The following NRXN1 variants were observed in gnomAD, a reference collection of about 807,000 sequenced individuals.
NRXN1 encodes neurexin 1, also known as neurexin-1.
NRXN1 carries 39 observed loss-of-function variants against 150.9 expected under a neutral mutation model. That is an observed-to-expected ratio of 0.26 (90% confidence interval 0.20 to 0.34). NRXN1 has a LOEUF of 0.34. Ranked by LOEUF, NRXN1 falls within the 10% of genes least tolerant of loss-of-function variation. The pLI is 1.00. For missense variants in NRXN1, 1,815 were observed against 1,949.9 expected (o/e 0.93, Z 1.30); for synonymous variants, 924 against 757.0 (o/e 1.22, Z -3.62).
chr2:50,456,207 C>A (rs945648962), intron 17 of NRXN1, among the ~76,000 whole-genome samples: 6 of 152,046 alleles, frequency 3.9e-5, no homozygotes, highest in African/African-American at 1.4e-4. Context: ...GGTAGCTGAA[C>A]CTTTTATGAA....
Position 50,271,034 on chromosome 2 carries a change from C to T in NRXN1, c.3365-34064G>A, listed in dbSNP as rs79419804. Among the ~76,000 whole-genome samples the T allele has an allele frequency of 4.3e-3, 661 of 152,138 alleles. 7 individuals are homozygous for T. The highest frequency in any genetic ancestry group is 0.016 in the African/African-American group (646 of 41,480). Reference sequence around the variant, plus strand: ...TTATGGGTATGTATGCAATTATATGCACAACTGCATAGTTACAATGATATA... The same window carrying T: ...TTATGGGTATGTATGCAATTATATGTACAACTGCATAGTTACAATGATATA... On this transcript the variant is annotated intron_variant, in intron 17 of 22. Coordinates refer to ENST00000401669, the MANE Select transcript of NRXN1 (RefSeq NM_001330078.2).
chr2:50,690,763 T>TG (rs1691951866), intron 5 of NRXN1, among the ~76,000 whole-genome samples: 1 of 152,182 alleles, frequency 6.6e-6, no homozygotes, highest in Non-Finnish European at 1.5e-5. Context: ...TTGGTATAAA[T>TG]GACACAAGCC....
In NRXN1 at chr2:50,465,434, G is replaced by A. The variant is rs1194981111; in HGVS notation, c.3364+8C>T. On this transcript the variant is annotated splice_region_variant and intron_variant, in intron 17 of 22. Coordinates refer to ENST00000401669, the MANE Select transcript of NRXN1 (RefSeq NM_001330078.2). ...TGAGTATCAGTCCATACTCAGAGAG[G>A]TACTTACGGTCATTGCAGAGTGGTC... The A allele has an allele frequency of 3.1e-6, 5 of 1,604,896 alleles. No homozygotes were observed. The highest frequency in any genetic ancestry group is 4.3e-6 in the Non-Finnish European group (5 of 1,175,000).
chr2:50,447,740 TATATATATATATATATATATATATATATA>T, intron 17 of NRXN1, among the ~76,000 whole-genome samples: 2 of 81,136 alleles, frequency 2.5e-5, no homozygotes, highest in South Asian at 3.6e-4. Flanking sequence ...GGGAACGTTA[TATATATATATATATATATATATATATATA>T]TATATATATA....
intron 18 of NRXN1, among the ~76,000 whole-genome samples, chr2:50,095,828 G>A (rs1263207724): frequency 6.7e-6 from 1 of 150,002 alleles, no homozygotes; most frequent in African/African-American, 2.5e-5. Context: ...GGGTACATGT[G>A]CACAACGTGC....
In NRXN1 at chr2:50,497,531, T is replaced by C. The variant is rs1218599719; in HGVS notation, c.2681A>G (p.Asn894Ser). The C allele has an allele frequency of 1.2e-6, 2 of 1,613,810 alleles. No homozygotes were observed. Among genetic ancestry groups the C allele is most frequent in the Non-Finnish European group, 1.7e-6 (2 of 1,179,872 alleles). Reference sequence around the variant, plus strand: ...GATGTTCCTGAAGCCAAATCTGGCATTAAGCTCACAGTAATCTATGTCGCC... The same window carrying C: ...GATGTTCCTGAAGCCAAATCTGGCACTAAGCTCACAGTAATCTATGTCGCC... ...KNGDIDYCEL[N>S]ARFGFRNIIA... The change falls in exon 14 of 23, where the codon AAT becomes AGT. Residue 894 changes from asparagine (N) to serine (S), a missense_variant. By Grantham distance (46) the Asn-to-Ser change is conservative (BLOSUM62 1). Transcript: ENST00000401669.
intron 18 of NRXN1, among the ~76,000 whole-genome samples, chr2:50,120,767 A>G (rs1045431979): frequency 6.6e-6 from 1 of 152,158 alleles, no homozygotes; most frequent in African/African-American, 2.4e-5. Flanking sequence ...ATCTTTTCAC[A>G]TATTATTAAA....
At chr2:51,029,487 ATAGTT>A (rs1208128559) in intron 1 of NRXN1, among the ~76,000 whole-genome samples, 1 of 152,218 alleles carries the variant, frequency 6.6e-6, no homozygotes, top group East Asian at 1.9e-4. Flanking sequence ...TTTTCGCAAG[ATAGTT>A]TAATTTTTAA....
At chr2:50,793,028 G>T (rs555306849) in intron 5 of NRXN1, among the ~76,000 whole-genome samples, 1 of 151,992 alleles carries the variant, frequency 6.6e-6, no homozygotes, top group Non-Finnish European at 1.5e-5. Context: ...CTTTAGGAAG[G>T]AAGGGAAATT....
At chr2:50,135,106 C>T (rs1206679862) in intron 18 of NRXN1, among the ~76,000 whole-genome samples, 2 of 152,154 alleles carry the variant, frequency 1.3e-5, no homozygotes, top group Non-Finnish European at 2.9e-5. Flanking sequence ...CTGCCATTTG[C>T]AGCTTCAAGC....
chr2:50,695,180 G>A (rs1194464462), intron 5 of NRXN1, among the ~76,000 whole-genome samples: 14 of 151,834 alleles, frequency 9.2e-5, no homozygotes, highest in Admixed American at 9.2e-4. Flanking sequence ...ATTTCAACCT[G>A]GGTAAGGGGG....
chr2:50,379,785 A>T (rs1459474091), intron 17 of NRXN1, among the ~76,000 whole-genome samples: 1 of 152,178 alleles, frequency 6.6e-6, no homozygotes, highest in African/African-American at 2.4e-5. Flanking sequence ...GACTTGCTTA[A>T]TTCTTTATTA....
At chr2:50,212,466 G>GT (rs113283870) in intron 18 of NRXN1, among the ~76,000 whole-genome samples, 1,809 of 148,062 alleles carry the variant, frequency 0.012, 38 homozygotes, top group African/African-American at 0.04. Context: ...TTTGAGTCTG[G>GT]TTTTTTTTTT....
intron 8 of NRXN1, among the ~76,000 whole-genome samples, chr2:50,571,392 T>C (rs1260661632): frequency 6.6e-6 from 1 of 152,170 alleles, no homozygotes; most frequent in East Asian, 1.9e-4. Context: ...TTAGACACAA[T>C]GAGGATGAAA....
chr2:50,876,251 A>C (rs540468491), intron 5 of NRXN1, among the ~76,000 whole-genome samples: 2 of 151,918 alleles, frequency 1.3e-5, no homozygotes, highest in South Asian at 2.1e-4. Context: ...CTAACTGAAA[A>C]TATGGCAAGG....
intron 18 of NRXN1, among the ~76,000 whole-genome samples, chr2:50,176,219 CAT>C (rs1206561212): frequency 6.6e-6 from 1 of 152,150 alleles, no homozygotes; most frequent in African/African-American, 2.4e-5. Context: ...TATGGTTTCA[CAT>C]ATGTTTCAGC....
At chr2:50,303,509 A>T (rs2074351917) in intron 17 of NRXN1, among the ~76,000 whole-genome samples, 1 of 152,108 alleles carries the variant, frequency 6.6e-6, no homozygotes. Context: ...ATTACTCATG[A>T]CTTGTGTATC....
At chr2:50,310,774 A>G (rs1247925277) in intron 17 of NRXN1, among the ~76,000 whole-genome samples, 1 of 152,166 alleles carries the variant, frequency 6.6e-6, no homozygotes, top group African/African-American at 2.4e-5. Flanking sequence ...TTTATATCAT[A>G]TATATACTGA....
intron 5 of NRXN1, among the ~76,000 whole-genome samples, chr2:50,899,513 G>T (rs1207333810): frequency 6.6e-6 from 1 of 151,956 alleles, no homozygotes; most frequent in Non-Finnish European, 1.5e-5. Flanking sequence ...CTTCCCCCAG[G>T]TTTATATTAC....
Sources: gnomAD v4.1 joint callset for allele counts (sites outside exome capture counted in the v4.1 genomes callset) on GRCh38, gnomAD v4.1.1 for gene constraint, MANE v1.5 for transcripts, NCBI Gene and HGNC (gene_info 2026-07-23, HGNC 2026-07-21) for gene names.